The following POFUT2 variants were observed in gnomAD, a reference collection of about 807,000 sequenced individuals.
POFUT2 encodes GDP-fucose protein O-fucosyltransferase 2.
POFUT2 carries 30 observed loss-of-function variants against 55.0 expected under a neutral mutation model. That is an observed-to-expected ratio of 0.55 (90% confidence interval 0.41 to 0.74). The LOEUF is 0.74. Ranked by LOEUF, POFUT2 falls within the 30% of genes least tolerant of loss-of-function variation. The pLI, the probability that POFUT2 is intolerant of heterozygous loss-of-function variation, is 0.00. For synonymous variants in POFUT2, 267 were observed against 231.1 expected, an observed-to-expected ratio of 1.16 and a Z score of -1.41; for missense variants, 524 against 562.6, an observed-to-expected ratio of 0.93 and a Z score of 0.69.
intron 8 of POFUT2, chr21:45,266,267 A>C: frequency 7.3e-6 from 10 of 1,367,496 alleles, no homozygotes; most frequent in Non-Finnish European, 9.8e-6. Context: ...TTCCAGAGCA[A>C]ATGTAACATG....
Position 45,285,955 on chromosome 21 carries a change from G to T in POFUT2, c.132-27C>A. On this transcript the variant is annotated intron_variant, in intron 1 of 8. Transcript: ENST00000349485. This position sits in a 1 kb window ranked among gnomAD's most constrained non-coding sequence, Gnocchi z 4.9. ...TGAGCAGGGAGAAGGAGGACCACAG[G>T]TCTCAAATGCTGAGGTTTCTGCACG... 6.3e-7 allele frequency: 1 copy of T among 1,578,086 alleles called. No individual in the cohort carries two copies. The highest frequency in any genetic ancestry group is 1.1e-5 in the South Asian group (1 of 88,794).
chr21:45,267,967 G>GCTCCCT lies in POFUT2; in HGVS notation c.1013-260_1013-255dup, dbSNP rs2093172200. Among the ~76,000 whole-genome samples, 1 of 151,956 alleles carries GCTCCCT rather than the reference G, an allele frequency of 6.6e-6. No individual in the cohort carries two copies. Among genetic ancestry groups the GCTCCCT allele is most frequent in the Admixed American group, 6.5e-5 (1 of 15,276 alleles). On this transcript the variant is annotated intron_variant, in intron 7 of 8. Coordinates refer to ENST00000349485, the MANE Select transcript of POFUT2 (RefSeq NM_133635.6). This position sits in a 1 kb window ranked among gnomAD's most constrained non-coding sequence, Gnocchi z 4.4. ...GATCAAGAAGAAAGGAAAGAAACGTGCTCCCTCTCCCTCTCCTTCTCCCTC... is the reference window on the plus strand; with the variant it reads ...GATCAAGAAGAAAGGAAAGAAACGTGCTCCCTCTCCCTCTCCCTCTCCTTCTCCCTC...
At position 45,266,508 on chromosome 21, in the gene POFUT2, TG is replaced by T; in HGVS notation, c.1137-874del. The T allele has an allele frequency of 4.6e-6, 5 of 1,092,410 alleles. No individual in the cohort carries two copies. The South Asian group carries it at 1.1e-4, about 24-fold the overall frequency. 67.7% of individuals were successfully genotyped at this position (1,092,410 alleles called of 1,614,324 possible). On this transcript the variant is annotated intron_variant, in intron 8 of 8. Transcript: ENST00000349485. Reference sequence around the variant, plus strand: ...CGAAGCCTCCCCACAGCAGGCTTCCTGGGCTGCGGAGACAGCACCGCCAAGG... The same window carrying T: ...CGAAGCCTCCCCACAGCAGGCTTCCTGGCTGCGGAGACAGCACCGCCAAGG...
rs1278961064 is a variant in POFUT2 at position 45,281,566 on chromosome 21, C to A, written c.638+783G>T. On this transcript the variant is annotated intron_variant, in intron 4 of 8. Coordinates refer to ENST00000349485, the MANE Select transcript of POFUT2 (RefSeq NM_133635.6). This position sits in a 1 kb window ranked among gnomAD's most constrained non-coding sequence, Gnocchi z 5.0. ...GCAGCTGTTACTGACCAGGGTGATA[C>A]CGAGCCAGCTGTGATGTGCAACAGG... is the stretch of plus-strand genomic sequence containing the variant. Among the ~76,000 whole-genome samples the A allele has an allele frequency of 6.6e-6, 1 of 152,098 alleles. No homozygotes were observed. The highest frequency in any genetic ancestry group is 1.9e-4 in the East Asian group (1 of 5,168).
chr21:45,266,578 G>T, intron 8 of POFUT2: 1 of 1,068,734 alleles, frequency 9.4e-7, no homozygotes, highest in South Asian at 2.6e-5. Flanking sequence ...GCAGGGGTGA[G>T]TTCGTAACTG....
Position 45,266,333 on chromosome 21 carries a change from C to CT in POFUT2, c.1137-699dup, listed in dbSNP as rs773056639. The CT allele has an allele frequency of 2.6e-3, 3,478 of 1,352,332 alleles. 6 individuals carry two copies. Among genetic ancestry groups the CT allele is most frequent in the Non-Finnish European group, 2.8e-3 (2,854 of 1,012,070 alleles). 83.8% of individuals were successfully genotyped at this position (1,352,332 alleles called of 1,614,324 possible). A position where few individuals can be genotyped will look rare whatever the true frequency, so the allele number is the denominator to read the frequency against. On this transcript the variant is annotated intron_variant, in intron 8 of 8. Transcript: ENST00000349485. Reference sequence around the variant, plus strand: ...GCAGGCCACACAGGCCTGTATGCTGCTGCGGGGTGCAGCACTGGTGGGGAG... The same window carrying CT: ...GCAGGCCACACAGGCCTGTATGCTGCTTGCGGGGTGCAGCACTGGTGGGGAG...
Position 45,278,201 on chromosome 21 carries a change from A to G in POFUT2, c.639-32T>C, listed in dbSNP as rs375107966. On this transcript the variant is annotated intron_variant, in intron 4 of 8. Transcript: ENST00000349485. ...TTAAACAACAGAAGAATAAACAGTT[A>G]TAAGAGTTAAGGATGATGACATTCA... The G allele has an allele frequency of 4.1e-5, 64 of 1,561,988 alleles. No homozygotes were observed. In the Middle Eastern group the frequency reaches 5.0e-4, roughly 12 times the overall value.
Position 45,282,984 on chromosome 21 carries a change from C to T in POFUT2, c.527+399G>A, listed in dbSNP as rs763161443. 6 of 465,170 alleles carry T rather than the reference C, an allele frequency of 1.3e-5. No individual in the cohort carries two copies. The highest frequency in any genetic ancestry group is 1.4e-4 in the East Asian group (2 of 14,368). 28.8% of individuals were successfully genotyped at this position (465,170 alleles called of 1,614,324 possible). On this transcript the variant is annotated intron_variant, in intron 3 of 8. Transcript: ENST00000349485. The surrounding 1 kb of genome is among the most constrained non-coding windows in gnomAD (Gnocchi z 4.6). ...ATGAAAAGACACAGGGAAAGAGGCA[C>T]GGGGTCTCAGCCAGATGTTCATCAC...
Position 45,267,746 on chromosome 21 carries a change from G to A in POFUT2, c.1013-33C>T, listed in dbSNP as rs201451860. On this transcript the variant is annotated intron_variant, in intron 7 of 8. Coordinates refer to ENST00000349485, the MANE Select transcript of POFUT2 (RefSeq NM_133635.6). This position sits in a 1 kb window ranked among gnomAD's most constrained non-coding sequence, Gnocchi z 4.4. Reference sequence around the variant, plus strand: ...GTAGAAGGAGAGACCCTTTGAACCGGGATCCTCCAGTAAGGACAGATACGT... The same window carrying A: ...GTAGAAGGAGAGACCCTTTGAACCGAGATCCTCCAGTAAGGACAGATACGT... The A allele has an allele frequency of 2.0e-3, 3,213 of 1,593,694 alleles. 9 individuals are homozygous for A. Among genetic ancestry groups the A allele is most frequent in the Non-Finnish European group, 2.6e-3 (3,019 of 1,162,740 alleles).
rs765947807 is a variant in POFUT2 at position 45,266,214 on chromosome 21, C to T, written c.1137-579G>A. On this transcript the variant is annotated intron_variant, in intron 8 of 8. Coordinates refer to ENST00000349485, the MANE Select transcript of POFUT2 (RefSeq NM_133635.6). ...GCGCAGCTGGTCTCTGGCTCTCCAG[C>T]GGCACTTCATGAACTTCGTGAACAA... is the stretch of plus-strand genomic sequence containing the variant. 19 of 1,367,494 alleles carry T rather than the reference C, an allele frequency of 1.4e-5. No individual in the cohort carries two copies. The Admixed American group carries it at 2.1e-4, about 15-fold the overall frequency. 84.7% of individuals were successfully genotyped at this position (1,367,494 alleles called of 1,614,324 possible).
intron 3 of POFUT2, 49 bp downstream of exon 3, chr21:45,283,308 CGGGGGGGGGGGGACGCATGCGGCAGG>C (rs1430851196): frequency 4.5e-6 from 2 of 442,226 alleles, no homozygotes; most frequent in Non-Finnish European, 6.6e-6. Flanking sequence ...GCGCCTGAGG[CGGGGGGGGGGGGACGCATGCGGCAGG>C]GGGAGGTGGG....
intron 7 of POFUT2, among the ~76,000 whole-genome samples, chr21:45,269,576 A>ACGCTTGAAGGCAGCATGCT (rs1225574185): frequency 3.3e-5 from 5 of 152,080 alleles, no homozygotes; most frequent in South Asian, 2.1e-4. Flanking sequence ...TGTTAAACAG[A>ACGCTTGAAGGCAGCATGCT]CGCTTGAAGG....
intron 1 of POFUT2, among the ~76,000 whole-genome samples, chr21:45,287,099 G>A (rs2031501334): frequency 6.6e-6 from 1 of 151,638 alleles, no homozygotes; most frequent in East Asian, 2.0e-4. Context: ...TGCAGACCCG[G>A]GCCGCAGTGA....
At position 45,277,116 on chromosome 21, in the gene POFUT2, C is replaced by A; in HGVS notation, c.732G>T (p.Arg244Ser). 6.2e-7 allele frequency: 1 copy of A among 1,613,934 alleles called. No individual in the cohort carries two copies. The highest frequency in any genetic ancestry group is 1.3e-5 in the African/African-American group (1 of 75,050). The change falls in exon 6 of 9, where the codon AGG (arginine) becomes AGT (serine). Residue 244 changes from arginine (R) to serine (S), a missense_variant. Arg to Ser is a moderately radical substitution (Grantham distance 110, BLOSUM62 -1). Transcript: ENST00000349485. The surrounding 1 kb of genome is among the most constrained non-coding windows in gnomAD (Gnocchi z 6.9). Reference sequence around the variant, plus strand: ...ACTCGTCTCCCACCTCCCGCAGGTGCCTGGCAAACACCATGCTGCGACGGG... The same window carrying A: ...ACTCGTCTCCCACCTCCCGCAGGTGACTGGCAAACACCATGCTGCGACGGG... ...WDTRRSMVFA[R>S]HLREVGDEFR...
In POFUT2 at chr21:45,270,034, C is replaced by T; in HGVS notation, c.832-15G>A. ...CCCAGCTTGACCTAGCAAAGAACCA[C>T]AAGGAAATGCAGAAGCTGACAGGCG... On this transcript the variant is annotated splice_polypyrimidine_tract_variant and intron_variant, in intron 6 of 8. Coordinates refer to ENST00000349485, the MANE Select transcript of POFUT2 (RefSeq NM_133635.6). The surrounding 1 kb of genome is among the most constrained non-coding windows in gnomAD (Gnocchi z 4.6). 1.3e-6 allele frequency: 2 copies of T among 1,519,448 alleles called. No individual in the cohort carries two copies. Among genetic ancestry groups the T allele is most frequent in the Non-Finnish European group, 1.8e-6 (2 of 1,139,050 alleles). 94.1% of individuals were successfully genotyped at this position (1,519,448 alleles called of 1,614,324 possible). A position where few individuals can be genotyped will look rare whatever the true frequency, so the allele number is the denominator to read the frequency against.
At chr21:45,272,485 C>T (rs188776030) in intron 6 of POFUT2, among the ~76,000 whole-genome samples, 1 of 152,264 alleles carries the variant, frequency 6.6e-6, no homozygotes, top group African/African-American at 2.4e-5. Context: ...ACTGACAGCA[C>T]TGGACAGGTC....
chr21:45,282,968 C>A lies in POFUT2; in HGVS notation c.527+415G>T, dbSNP rs564484192. 15 of 470,954 alleles carry A rather than the reference C, an allele frequency of 3.2e-5. 1 individual carries two copies. The East Asian group carries it at 1.0e-3, about 33-fold the overall frequency. 29.2% of individuals were successfully genotyped at this position (470,954 alleles called of 1,614,324 possible). A position where few individuals can be genotyped will look rare whatever the true frequency, so the allele number is the denominator to read the frequency against. On this transcript the variant is annotated intron_variant, in intron 3 of 8. Transcript: ENST00000349485. The surrounding 1 kb of genome is among the most constrained non-coding windows in gnomAD (Gnocchi z 4.6). Reference sequence around the variant, plus strand: ...GGCAACATCCAAATGCATGAAAAGACACAGGGAAAGAGGCACGGGGTCTCA... The same window carrying A: ...GGCAACATCCAAATGCATGAAAAGAAACAGGGAAAGAGGCACGGGGTCTCA...
rs1225113307 is a variant in POFUT2, at chr21:45,281,050, T to C, written c.638+1299A>G. Reference sequence around the variant, plus strand: ...TGAGGCTCCTCTCCTGACGGCTTGATAGCTTCACCTTCCCATTAGGGCTTT... The same window carrying C: ...TGAGGCTCCTCTCCTGACGGCTTGACAGCTTCACCTTCCCATTAGGGCTTT... On this transcript the variant is annotated intron_variant, in intron 4 of 8. Coordinates refer to ENST00000349485, the MANE Select transcript of POFUT2 (RefSeq NM_133635.6). The surrounding 1 kb of genome is among the most constrained non-coding windows in gnomAD (Gnocchi z 5.0). 6.6e-6 allele frequency among the ~76,000 whole-genome samples: 1 copy of C among 152,224 alleles called. No homozygotes were observed. The highest frequency in any genetic ancestry group is 1.5e-5 in the Non-Finnish European group (1 of 68,050).
At chr21:45,286,777 C>T (rs897621638) in intron 1 of POFUT2, among the ~76,000 whole-genome samples, 9 of 151,854 alleles carry the variant, frequency 5.9e-5, no homozygotes, top group Admixed American at 2.0e-4. Flanking sequence ...ATACTCCCAT[C>T]GTCGCGAGTG....
Sources: allele counts gnomAD v4.1 joint callset (sites outside exome capture counted in the v4.1 genomes callset), GRCh38; gene constraint gnomAD v4.1.1; non-coding constraint Gnocchi (gnomAD v3.1); transcripts MANE v1.5; gene names NCBI Gene and HGNC (gene_info 2026-07-23, HGNC 2026-07-21).